FAM20A: variants seen among roughly 807,000 people sequenced by gnomAD.
FAM20A encodes the protein pseudokinase FAM20A.
In FAM20A, 42 loss-of-function variants were observed where a neutral mutation model predicts 52.0. The ratio of observed to expected loss-of-function variants is 0.81; its 90% CI spans 0.63 to 1.04. The LOEUF (loss-of-function observed/expected upper bound fraction) is 1.04. FAM20A is among the 50% of genes least tolerant of loss of function. FAM20A has a pLI of 0.00. For missense variants in FAM20A, 742 were observed against 712.7 expected, an observed-to-expected ratio of 1.04 and a Z score of -0.47; for synonymous variants, 304 against 298.9, an observed-to-expected ratio of 1.02 and a Z score of -0.18.
chr17:68,592,241 C>T (rs929214350), intron 1 of FAM20A, among the ~76,000 whole-genome samples: 7 of 152,082 alleles, frequency 4.6e-5, no homozygotes, highest in African/African-American at 1.2e-4. Context: ...TAAGCAGCTA[C>T]TGGTTGTGCA....
intron 1 of FAM20A, among the ~76,000 whole-genome samples, chr17:68,559,055 G>A (rs1415624169): frequency 6.6e-6 from 1 of 152,162 alleles, no homozygotes; most frequent in African/African-American, 2.4e-5. Flanking sequence ...ACCACACCTC[G>A]CCAGATATTT....
At chr17:68,590,433 C>T (rs1210432663) in intron 1 of FAM20A, 2 of 151,714 alleles carry the variant, frequency 1.3e-5, no homozygotes, top group East Asian at 3.9e-4. Flanking sequence ...GAGAAAGAGA[C>T]GTGAACCCGT....
rs2088596459 is a variant in FAM20A at position 68,600,619 on chromosome 17, G to A, written c.48C>T (p.Gly16=). 1 of 1,562,998 alleles carries A rather than the reference G, an allele frequency of 6.4e-7. No homozygotes were observed. The highest frequency in any genetic ancestry group is 2.3e-5 in the East Asian group (1 of 42,914). ...AGTAGAGGTCGGCGGAGAGCAGCGC[G>A]CCCAGCAGCAGCAGAGTCAGTAGGC... ...RDRLLTLLLL[G]ALLSADLYFH... The change falls in exon 1 of 11, where the codon GGC becomes GGT. Residue 16 remains glycine (G), a synonymous_variant. Coordinates refer to ENST00000592554, the MANE Select transcript of FAM20A (RefSeq NM_017565.4). The surrounding 1 kb of genome is among the most constrained non-coding windows in gnomAD (Gnocchi z 6.2).
intron 1 of FAM20A, among the ~76,000 whole-genome samples, chr17:68,574,250 A>G (rs1405670597): frequency 2.0e-5 from 3 of 152,030 alleles, no homozygotes; most frequent in African/African-American, 7.2e-5. Flanking sequence ...ATTTTTATAG[A>G]GACAGGATCT....
In FAM20A at chr17:68,536,527, C is replaced by T. The variant is rs553288228; in HGVS notation, c.*950G>A. 24 of 454,018 alleles carry T rather than the reference C, an allele frequency of 5.3e-5. 1 individual carries two copies. The highest frequency in any genetic ancestry group is 2.5e-4 in the South Asian group (16 of 64,468). 28.1% of individuals were successfully genotyped at this position (454,018 alleles called of 1,614,324 possible). On this transcript the variant is annotated 3_prime_UTR_variant, in exon 11 of 11. Coordinates refer to ENST00000592554, the MANE Select transcript of FAM20A (RefSeq NM_017565.4). ...CTGACTTAGTCTTTTTTGAGCCAGC[C>T]GTCACAGGGAGGGGCATCTAGAGGG...
At chr17:68,566,355 G>A (rs1860333) in intron 1 of FAM20A, among the ~76,000 whole-genome samples, 6,202 of 152,298 alleles carry the variant, frequency 0.041, 384 homozygotes, top group African/African-American at 0.14. Context: ...ACTTAACACT[G>A]ATTATGGAAA....
intron 1 of FAM20A, among the ~76,000 whole-genome samples, chr17:68,578,394 A>G (rs2087834648): frequency 6.6e-6 from 1 of 152,172 alleles, no homozygotes; most frequent in African/African-American, 2.4e-5. Flanking sequence ...AATTCTTTCA[A>G]GTCCTTGGCC....
chr17:68,593,986 G>A (rs2088378649), intron 1 of FAM20A, among the ~76,000 whole-genome samples: 1 of 152,226 alleles, frequency 6.6e-6, no homozygotes, highest in Non-Finnish European at 1.5e-5. Flanking sequence ...GGGTGGTGGA[G>A]CTGGTGGTTA....
At chr17:68,575,021 A>C (rs1413095555) in intron 1 of FAM20A, 2 of 152,164 alleles carry the variant, frequency 1.3e-5, no homozygotes, top group African/African-American at 2.4e-5. Context: ...TGAGGTGGCC[A>C]CTAGTCGATA....
At chr17:68,539,177 A>T (rs927281178) in intron 10 of FAM20A, among the ~76,000 whole-genome samples, 160 bp downstream of exon 10, 1 of 152,250 alleles carries the variant, frequency 6.6e-6, no homozygotes, top group African/African-American at 2.4e-5. Flanking sequence ...CTGAGATGTC[A>T]TGCAGTGCAC....
At chr17:68,578,005 C>CCACA (rs752788424) in intron 1 of FAM20A, among the ~76,000 whole-genome samples, 9 of 149,568 alleles carry the variant, frequency 6.0e-5, no homozygotes, top group East Asian at 1.9e-4. Flanking sequence ...ATTTCACACA[C>CCACA]CACACACACA....
intron 3 of FAM20A, among the ~76,000 whole-genome samples, chr17:68,553,169 T>G (rs1002546979): frequency 2.6e-5 from 4 of 152,100 alleles, no homozygotes; most frequent in Non-Finnish European, 4.4e-5. Flanking sequence ...TCTCACGAGA[T>G]CTCATGGTTT....
intron 1 of FAM20A, among the ~76,000 whole-genome samples, chr17:68,599,969 G>A (rs1252667535): frequency 6.6e-6 from 1 of 152,202 alleles, no homozygotes; most frequent in African/African-American, 2.4e-5. Flanking sequence ...GAGCAGGAGT[G>A]GGGCTCAACG....
intron 1 of FAM20A, among the ~76,000 whole-genome samples, chr17:68,557,945 A>G (rs751886837): frequency 6.6e-6 from 1 of 152,158 alleles, no homozygotes; most frequent in Non-Finnish European, 1.5e-5. Context: ...CTCTCACTCC[A>G]TGATTATGCT....
At chr17:68,542,448 G>A (rs796396102) in intron 6 of FAM20A, among the ~76,000 whole-genome samples, 1 of 152,132 alleles carries the variant, frequency 6.6e-6, no homozygotes, top group Non-Finnish European at 1.5e-5. Context: ...TGGTTCCGGG[G>A]AGGCCAGCAT....
At chr17:68,561,349 C>T (rs1031921101) in intron 1 of FAM20A, among the ~76,000 whole-genome samples, 2 of 152,118 alleles carry the variant, frequency 1.3e-5, no homozygotes, top group African/African-American at 2.4e-5. Context: ...ACCTTTCTTC[C>T]GCCCTCCAGG....
Position 68,537,354 on chromosome 17 carries a change from C to T in FAM20A, c.*123G>A. On this transcript the variant is annotated 3_prime_UTR_variant, in exon 11 of 11. Coordinates refer to ENST00000592554, the MANE Select transcript of FAM20A (RefSeq NM_017565.4). The surrounding 1 kb of genome is among the most constrained non-coding windows in gnomAD (Gnocchi z 4.2). ...CCCACTTGCTGTTTGAGAAAATGTC[C>T]TGCTTCCTTCCTAGCTGACTTGACT... 1 of 1,269,346 alleles carries T rather than the reference C, an allele frequency of 7.9e-7. No individual in the cohort carries two copies. Among genetic ancestry groups the T allele is most frequent in the Non-Finnish European group, 1.1e-6 (1 of 885,034 alleles). The allele number at this position is 1,269,346 out of a possible 1,614,324, so 78.6% of individuals were successfully genotyped here. A position where few individuals can be genotyped will look rare whatever the true frequency, so the allele number is the denominator to read the frequency against.
intron 1 of FAM20A, among the ~76,000 whole-genome samples, chr17:68,597,590 G>A (rs952533175): frequency 6.6e-6 from 1 of 152,136 alleles, no homozygotes; most frequent in African/African-American, 2.4e-5. Flanking sequence ...TCACCATGTT[G>A]ACCAGTTTGG....
chr17:68,553,410 C>T (rs1302841416), intron 3 of FAM20A, among the ~76,000 whole-genome samples: 7 of 152,202 alleles, frequency 4.6e-5, no homozygotes, highest in African/African-American at 1.7e-4. Flanking sequence ...TTTTGACACA[C>T]ACCATCAGAT....
Sources: allele counts gnomAD v4.1 joint callset (sites outside exome capture counted in the v4.1 genomes callset), GRCh38; gene constraint gnomAD v4.1.1; non-coding constraint Gnocchi (gnomAD v3.1); transcripts MANE v1.5; gene names NCBI Gene and HGNC (gene_info 2026-07-23, HGNC 2026-07-21).